The following PLCXD3 variants were observed in gnomAD, a reference collection of about 807,000 sequenced individuals.
PLCXD3 encodes the protein PI-PLC X domain-containing protein 3.
PLCXD3 carries 19 observed loss-of-function variants against 25.5 expected under a neutral mutation model. The ratio of observed to expected loss-of-function variants is 0.75; its 90% CI spans 0.52 to 1.09. The LOEUF (loss-of-function observed/expected upper bound fraction) is 1.09, where lower values mean the gene tolerates loss of function less well. Among genes scored for constraint, PLCXD3 ranks in the 50% least tolerant of loss-of-function variants. The probability of loss-of-function intolerance (pLI) is 0.00; values close to 1 mark genes in which losing one functional copy is unlikely to be tolerated. For missense variants in PLCXD3, 411 were observed against 388.1 expected (o/e 1.06, Z -0.50); for synonymous variants, 174 against 137.6 (o/e 1.26, Z -1.85).
Position 41,471,838 on chromosome 5 carries a change from C to G in PLCXD3, c.103+38586G>C, listed in dbSNP as rs532990638. Among the ~76,000 whole-genome samples, 42 of 5,194 alleles carry G rather than the reference C, an allele frequency of 8.1e-3. 2 individuals are homozygous for G. The highest frequency in any genetic ancestry group is 0.021 in the South Asian group (1 of 48). 3.4% of individuals were successfully genotyped at this position (5,194 alleles called of 152,430 possible). A position where few individuals can be genotyped will look rare whatever the true frequency, so the allele number is the denominator to read the frequency against. On this transcript the variant is annotated intron_variant, in intron 1 of 2. Coordinates refer to ENST00000377801, the MANE Select transcript of PLCXD3 (RefSeq NM_001005473.3). ...CTCCCGTCCCCTCCCCTCCCCTCCC[C>G]TCCCCTCCCCTCCCCTCCCTTCCCT...
intron 2 of PLCXD3, among the ~76,000 whole-genome samples, chr5:41,375,635 C>A (rs556593014): frequency 1.8e-4 from 28 of 152,212 alleles, no homozygotes; most frequent in Non-Finnish European, 3.5e-4. Context: ...ATGCTAACAT[C>A]CTACCAGGGT....
intron 1 of PLCXD3, among the ~76,000 whole-genome samples, chr5:41,441,974 T>C (rs1488183724): frequency 6.6e-6 from 1 of 152,224 alleles, no homozygotes. Context: ...TTAAAAACTC[T>C]GTTTGTAAAA....
At chr5:41,492,269 C>T (rs1347537830) in intron 1 of PLCXD3, among the ~76,000 whole-genome samples, 4 of 151,178 alleles carry the variant, frequency 2.6e-5, no homozygotes, top group Non-Finnish European at 5.9e-5. Context: ...GGCCCCCACT[C>T]TCTTCTGGCT....
intron 1 of PLCXD3, among the ~76,000 whole-genome samples, chr5:41,494,272 C>T (rs974206385): frequency 5.9e-5 from 9 of 152,036 alleles, no homozygotes; most frequent in Admixed American, 5.2e-4. Context: ...AATTATGTAC[C>T]TAACTTACAC....
chr5:41,494,542 T>C (rs1297417199), intron 1 of PLCXD3, among the ~76,000 whole-genome samples: 1 of 152,170 alleles, frequency 6.6e-6, no homozygotes, highest in East Asian at 1.9e-4. Context: ...TAATAGGTAA[T>C]GATCCAAAAT....
intron 1 of PLCXD3, among the ~76,000 whole-genome samples, chr5:41,445,744 T>C (rs566693567): frequency 6.6e-6 from 1 of 152,194 alleles, no homozygotes; most frequent in Non-Finnish European, 1.5e-5. Context: ...CTATTTTTGC[T>C]TCTGTTGCCT....
intron 1 of PLCXD3, among the ~76,000 whole-genome samples, chr5:41,488,728 T>G (rs1161529342): frequency 1.4e-5 from 2 of 147,476 alleles, no homozygotes; most frequent in Non-Finnish European, 3.0e-5. Flanking sequence ...AAATGTCTTC[T>G]TTTGAGAAGT....
chr5:41,469,490 G>T, intron 1 of PLCXD3, among the ~76,000 whole-genome samples: 1 of 105,962 alleles, frequency 9.4e-6, no homozygotes. Flanking sequence ...CCATCTGGTT[G>T]TGAGCTGCTT....
chr5:41,412,557 C>T (rs1294991752), intron 1 of PLCXD3, among the ~76,000 whole-genome samples: 2 of 152,200 alleles, frequency 1.3e-5, no homozygotes, highest in Non-Finnish European at 2.9e-5. Context: ...TGGGAAATTA[C>T]AGTGGCAATG....
At chr5:41,410,380 T>A (rs1746483787) in intron 1 of PLCXD3, among the ~76,000 whole-genome samples, 1 of 152,006 alleles carries the variant, frequency 6.6e-6, no homozygotes. Flanking sequence ...CCTGACCTCG[T>A]GATCTGCCCA....
intron 1 of PLCXD3, among the ~76,000 whole-genome samples, chr5:41,465,353 C>CTTTGTTTTTTT (rs1747991855): frequency 7.6e-5 from 1 of 13,228 alleles, no homozygotes; most frequent in African/African-American, 2.9e-4. Context: ...TAGTTCTTGT[C>CTTTGTTTTTTT]TTTTTTTTTT....
chr5:41,467,432 T>A (rs1748043532), intron 1 of PLCXD3, among the ~76,000 whole-genome samples: 1 of 152,154 alleles, frequency 6.6e-6, no homozygotes, highest in Non-Finnish European at 1.5e-5. Context: ...TGTTTGAGTT[T>A]CTTATTTTTT....
Position 41,311,873 on chromosome 5 carries a change from C to A in PLCXD3, c.*1744G>T, listed in dbSNP as rs11744499. The A allele has an allele frequency of 0.1, 15,467 of 152,502 alleles. 1,112 individuals are homozygous for A. The highest frequency in any genetic ancestry group is 0.35 in the East Asian group (1,822 of 5,162). 9.4% of individuals were successfully genotyped at this position (152,502 alleles called of 1,614,324 possible). On this transcript the variant is annotated 3_prime_UTR_variant, in exon 3 of 3. Transcript: ENST00000377801. ...AGTCTAAGAGATTAAGCCATATGTG[C>A]TACATTTAAGTTCATTAAAAGCTGA...
intron 2 of PLCXD3, among the ~76,000 whole-genome samples, chr5:41,348,177 AGC>A (rs1336047321): frequency 6.6e-6 from 1 of 152,220 alleles, no homozygotes; most frequent in Non-Finnish European, 1.5e-5. Context: ...TTAGAGGAGT[AGC>A]TGCTCTGGAT....
chr5:41,381,350 T>A (rs983605953), intron 2 of PLCXD3, among the ~76,000 whole-genome samples: 2 of 152,152 alleles, frequency 1.3e-5, no homozygotes, highest in Non-Finnish European at 2.9e-5. Context: ...CCCTGCTACA[T>A]GTGAGTGTGA....
At chr5:41,454,586 G>A (rs1352897279) in intron 1 of PLCXD3, among the ~76,000 whole-genome samples, 2 of 151,824 alleles carry the variant, frequency 1.3e-5, no homozygotes, top group East Asian at 3.9e-4. Flanking sequence ...TGAACTTTTG[G>A]GGGGATGCAA....
At chr5:41,490,625 C>G (rs189604120) in intron 1 of PLCXD3, among the ~76,000 whole-genome samples, 4,061 of 152,258 alleles carry the variant, frequency 0.027, 58 homozygotes, top group Non-Finnish European at 0.039. Flanking sequence ...TGTTATTGGT[C>G]TATTCAGAGA....
rs539313763 is a variant in PLCXD3, at chr5:41,463,125, T to C, written c.103+47299A>G. Among the ~76,000 whole-genome samples the C allele has an allele frequency of 7.2e-5, 11 of 152,174 alleles. 1 individual carries two copies. In the South Asian group the frequency reaches 2.3e-3, roughly 32 times the overall value. On this transcript the variant is annotated intron_variant, in intron 1 of 2. Transcript: ENST00000377801. ...TTCTTTGAGTAAAGTGACTGTATCT[T>C]TTATAATCAATTGTATACAACAGGG...
intron 1 of PLCXD3, among the ~76,000 whole-genome samples, chr5:41,402,450 A>C (rs1384964465): frequency 4.6e-5 from 7 of 151,682 alleles, no homozygotes; most frequent in Non-Finnish European, 1.5e-5. Context: ...CATGCTCTCA[A>C]TAATTTTAAT....
Sources: allele counts gnomAD v4.1 joint callset (sites outside exome capture counted in the v4.1 genomes callset), GRCh38; gene constraint gnomAD v4.1.1; transcripts MANE v1.5; gene names NCBI Gene and HGNC (gene_info 2026-07-23, HGNC 2026-07-21).